GRIP1: variants seen among roughly 807,000 people sequenced by gnomAD.
The protein encoded by GRIP1 is glutamate receptor-interacting protein 1.
A neutral mutation model predicts 129.9 loss-of-function variants in GRIP1; 45 were observed. That is an observed-to-expected ratio of 0.35 (90% CI 0.27 to 0.44). GRIP1 has a LOEUF of 0.44. GRIP1 is among the 20% of genes least tolerant of loss of function. GRIP1 has a pLI of 1.00. For missense variants in GRIP1, 1,196 were observed against 1,396.8 expected (o/e 0.86, Z 2.29); for synonymous variants, 530 against 520.8 (o/e 1.02, Z -0.24).
chr12:66,852,663 T>C (rs1012661730), intron 1 of GRIP1, among the ~76,000 whole-genome samples: 1 of 151,598 alleles, frequency 6.6e-6, no homozygotes, highest in Non-Finnish European at 1.5e-5. Context: ...TAAATTTACA[T>C]ATATTTTATA....
chr12:66,513,378 C>T (rs11613276), intron 7 of GRIP1, among the ~76,000 whole-genome samples: 2 of 151,690 alleles, frequency 1.3e-5, no homozygotes, highest in African/African-American at 2.4e-5. Context: ...GCTTTTTTTG[C>T]GATTTTAAAT....
intron 1 of GRIP1, chr12:66,626,614 C>T (rs1565921192): frequency 6.6e-6 from 1 of 152,228 alleles, no homozygotes; most frequent in Non-Finnish European, 1.5e-5. Context: ...GTGCTCTGTC[C>T]TTACTTTCTC....
At chr12:66,443,623 T>G (rs757739448) in intron 13 of GRIP1, among the ~76,000 whole-genome samples, 8 of 151,818 alleles carry the variant, frequency 5.3e-5, no homozygotes, top group Non-Finnish European at 1.0e-4. Context: ...CCTGGCTAAT[T>G]TTTTGTATTT....
In GRIP1 at chr12:66,576,978, T is replaced by G. The variant is rs150019512; in HGVS notation, c.136+19869A>C. ...CGTTGAGTATTACATCCAGATCAGG[T>G]GAGCTAATGGTTTTCTTGAACTCTG... On this transcript the variant is annotated intron_variant, in intron 2 of 24. Transcript: ENST00000359742. Among the ~76,000 whole-genome samples, 702 of 152,334 alleles carry G rather than the reference T, an allele frequency of 4.6e-3. 8 individuals carry two copies. Among genetic ancestry groups the G allele is most frequent in the Middle Eastern group, 0.017 (5 of 294 alleles).
At chr12:66,916,815 T>G (rs549391210) in intron 1 of GRIP1, among the ~76,000 whole-genome samples, 1 of 152,166 alleles carries the variant, frequency 6.6e-6, no homozygotes, top group Non-Finnish European at 1.5e-5. Context: ...TATTATACTC[T>G]TTTGCCTAGG....
chr12:66,777,739 C>T (rs920556398), intron 1 of GRIP1, among the ~76,000 whole-genome samples: 17 of 152,114 alleles, frequency 1.1e-4, no homozygotes, highest in Middle Eastern at 3.4e-3. Context: ...TACACACACA[C>T]GAACACACAC....
chr12:66,820,719 T>C (rs2039301617), intron 1 of GRIP1, among the ~76,000 whole-genome samples: 1 of 151,922 alleles, frequency 6.6e-6, no homozygotes, highest in Non-Finnish European at 1.5e-5. Context: ...GAAGGAAAAT[T>C]CAATGCTATT....
intron 19 of GRIP1, among the ~76,000 whole-genome samples, chr12:66,380,859 T>A (rs756418907): frequency 6.6e-6 from 1 of 152,174 alleles, no homozygotes; most frequent in Non-Finnish European, 1.5e-5. Flanking sequence ...TTTACATGGA[T>A]GCGCTGGCTT....
intron 15 of GRIP1, among the ~76,000 whole-genome samples, chr12:66,407,898 T>A (rs1440260346): frequency 6.6e-6 from 1 of 151,894 alleles, no homozygotes; most frequent in Non-Finnish European, 1.5e-5. Context: ...ACCCCTCCCC[T>A]AGCCCTACAC....
chr12:66,746,231 A>G lies in GRIP1; in HGVS notation c.-420+57822T>C, dbSNP rs377042098. ...GAACTTAGAAGAGAAATCAATCTCTATAAGAAGAGCTAAAAGAAAATTTAT... is the reference window on the plus strand; with the variant it reads ...GAACTTAGAAGAGAAATCAATCTCTGTAAGAAGAGCTAAAAGAAAATTTAT... On this transcript the variant is annotated intron_variant, in intron 1 of 4. Coordinates refer to the GRIP1 transcript ENST00000538373. Among the ~76,000 whole-genome samples the G allele has an allele frequency of 4.1e-4, 63 of 152,338 alleles. 1 individual carries two copies. The highest frequency in any genetic ancestry group is 1.2e-3 in the African/African-American group (51 of 41,588).
intron 7 of GRIP1, among the ~76,000 whole-genome samples, chr12:66,490,047 A>T (rs186042033): frequency 5.3e-5 from 8 of 152,340 alleles, no homozygotes; most frequent in Admixed American, 5.2e-4. Flanking sequence ...GAAAATGGCC[A>T]TACTGCCCAC....
At chr12:66,498,423 T>C (rs1445076612) in intron 7 of GRIP1, among the ~76,000 whole-genome samples, 1 of 152,242 alleles carries the variant, frequency 6.6e-6, no homozygotes, top group East Asian at 1.9e-4. Flanking sequence ...TCTGGTTAAA[T>C]TGCTGTTAAG....
At chr12:66,462,856 T>A in intron 9 of GRIP1, 68 bp downstream of exon 9, 3 of 1,022,538 alleles carry the variant, frequency 2.9e-6, no homozygotes, top group Non-Finnish European at 4.5e-6. Flanking sequence ...TTCTGCTGTC[T>A]AACTCTGCTA....
chr12:66,626,376 T>C (rs1187059103), intron 1 of GRIP1, among the ~76,000 whole-genome samples: 1 of 149,192 alleles, frequency 6.7e-6, no homozygotes, highest in Non-Finnish European at 1.5e-5. Context: ...TAAAACCAAA[T>C]GCTAAAAGAG....
chr12:66,733,413 A>C (rs2036500470), intron 1 of GRIP1, among the ~76,000 whole-genome samples: 1 of 152,142 alleles, frequency 6.6e-6, no homozygotes, highest in South Asian at 2.1e-4. Context: ...TCTGGATGGG[A>C]CTTCTGAGGA....
chr12:66,629,015 G>T (rs1453516138), intron 1 of GRIP1, among the ~76,000 whole-genome samples: 1 of 152,170 alleles, frequency 6.6e-6, no homozygotes, highest in African/African-American at 2.4e-5. Context: ...TATCATTAAA[G>T]GAATGTTAAA....
intron 16 of GRIP1, among the ~76,000 whole-genome samples, chr12:66,396,212 A>G (rs933822789): frequency 1.3e-5 from 2 of 152,216 alleles, no homozygotes; most frequent in African/African-American, 2.4e-5. Flanking sequence ...TGCTCTCTGC[A>G]TAAGGCAAGC....
At chr12:66,577,650 T>C (rs1350124782) in intron 2 of GRIP1, among the ~76,000 whole-genome samples, 1 of 152,180 alleles carries the variant, frequency 6.6e-6, no homozygotes, top group Non-Finnish European at 1.5e-5. Flanking sequence ...GTGGAACTTT[T>C]AATAAAGATA....
At chr12:66,695,882 G>A (rs2035139657) in intron 1 of GRIP1, among the ~76,000 whole-genome samples, 1 of 152,176 alleles carries the variant, frequency 6.6e-6, no homozygotes, top group African/African-American at 2.4e-5. Flanking sequence ...ATGGATAAAT[G>A]AGGCAGTAGG....
Sources: gnomAD v4.1 joint callset for allele counts (sites outside exome capture counted in the v4.1 genomes callset) on GRCh38, gnomAD v4.1.1 for gene constraint, MANE v1.5 for transcripts, NCBI Gene and HGNC (gene_info 2026-07-23, HGNC 2026-07-21) for gene names.